CTNNA3: variants seen among roughly 807,000 people sequenced by gnomAD.
CTNNA3 encodes the protein catenin alpha-3.
In CTNNA3, 76 loss-of-function variants were observed where a neutral mutation model predicts 95.7. That is an observed-to-expected ratio of 0.79 (90% CI 0.66 to 0.96). The LOEUF (loss-of-function observed/expected upper bound fraction) is 0.96. CTNNA3 is among the 40% of genes least tolerant of loss of function. The pLI is 0.00. For synonymous variants in CTNNA3, 431 were observed against 374.4 expected (o/e 1.15, Z -1.74); for missense variants, 1,191 against 1,089.8 (o/e 1.09, Z -1.31).
chr10:65,971,523 C>T (rs1276873394), intron 16 of CTNNA3, among the ~76,000 whole-genome samples: 1 of 151,488 alleles, frequency 6.6e-6, no homozygotes, highest in African/African-American at 2.4e-5. Context: ...ACAAAAGAGC[C>T]TCAGAAACTA....
At chr10:66,675,063 C>T (rs1221017327) in intron 9 of CTNNA3, among the ~76,000 whole-genome samples, 1 of 151,872 alleles carries the variant, frequency 6.6e-6, no homozygotes, top group Non-Finnish European at 1.5e-5. Context: ...TCTGACATTC[C>T]CACTCTTTCA....
At chr10:67,704,016 C>A (rs1209233426) in intron 1 of CTNNA3, among the ~76,000 whole-genome samples, 6 of 152,162 alleles carry the variant, frequency 3.9e-5, no homozygotes, top group East Asian at 1.9e-4. Flanking sequence ...TGAGTGAACT[C>A]CCATTCACAA....
chr10:67,701,518 CCAAACTAAGCTT>C (rs1374560631), intron 1 of CTNNA3, among the ~76,000 whole-genome samples: 3 of 152,142 alleles, frequency 2.0e-5, no homozygotes, highest in Admixed American at 1.3e-4. Flanking sequence ...TCATATCCAG[CCAAACTAAGCTT>C]CATAAGTGAA....
At chr10:66,057,077 C>T (rs1331136817) in intron 15 of CTNNA3, among the ~76,000 whole-genome samples, 16 of 152,166 alleles carry the variant, frequency 1.1e-4, no homozygotes, top group Admixed American at 9.2e-4. Context: ...AACTTCTCTA[C>T]CTCAACAGTA....
chr10:66,329,013 C>T (rs10997064), intron 12 of CTNNA3, among the ~76,000 whole-genome samples: 59,847 of 146,112 alleles, frequency 0.41, 13,437 homozygotes, highest in Non-Finnish European at 0.51. Flanking sequence ...TGCAATGTCA[C>T]GATCTCGGCT....
chr10:67,296,536 G>A lies in CTNNA3; in HGVS notation c.580-76666C>T, dbSNP rs140616591. On this transcript the variant is annotated intron_variant, in intron 5 of 17. Coordinates refer to ENST00000433211, the MANE Select transcript of CTNNA3 (RefSeq NM_013266.4). ...AGGCAAATCAATATTTGGACTTTGC[G>A]TCTTTCTTTGTGAGGACAAAGCATG... Among the ~76,000 whole-genome samples, 403 of 152,284 alleles carry A rather than the reference G, an allele frequency of 2.6e-3. 3 individuals are homozygous for A. Among genetic ancestry groups the A allele is most frequent in the African/African-American group, 9.2e-3 (381 of 41,554 alleles).
At chr10:66,634,142 C>T (rs1356385245) in intron 9 of CTNNA3, among the ~76,000 whole-genome samples, 3 of 152,000 alleles carry the variant, frequency 2.0e-5, no homozygotes, top group Non-Finnish European at 4.4e-5. Context: ...TATAATTTGG[C>T]TTATTATAAT....
At chr10:66,226,664 T>C (rs1247107082) in intron 13 of CTNNA3, among the ~76,000 whole-genome samples, 1 of 151,882 alleles carries the variant, frequency 6.6e-6, no homozygotes, top group South Asian at 2.1e-4. Context: ...ATTTTTATAA[T>C]ATTAATTCTT....
At chr10:66,155,997 A>C (rs759068653) in intron 13 of CTNNA3, among the ~76,000 whole-genome samples, 19 of 151,940 alleles carry the variant, frequency 1.3e-4, no homozygotes, top group Non-Finnish European at 2.4e-4. Context: ...ATATATCCAA[A>C]TGGCCAAAAT....
chr10:66,876,887 C>T (rs1844645861), intron 7 of CTNNA3, among the ~76,000 whole-genome samples: 1 of 152,104 alleles, frequency 6.6e-6, no homozygotes, highest in Non-Finnish European at 1.5e-5. Flanking sequence ...TCTGGAGATT[C>T]TTATTAGGTT....
intron 6 of CTNNA3, among the ~76,000 whole-genome samples, chr10:67,192,771 G>A (rs1863177356): frequency 6.6e-6 from 1 of 151,904 alleles, no homozygotes; most frequent in African/African-American, 2.4e-5. Flanking sequence ...AAGGAATTAA[G>A]TAGCTTGAAA....
chr10:66,686,558 G>T lies in CTNNA3; in HGVS notation c.1282-64774C>A, dbSNP rs1847305155. ...CTCTCTACTGTCCTAGCAAAAGTCT[G>T]CTTCTTTCTAGTTTGCTTTGATCAG... On this transcript the variant is annotated intron_variant, in intron 9 of 17. Coordinates refer to ENST00000433211, the MANE Select transcript of CTNNA3 (RefSeq NM_013266.4). Among the ~76,000 whole-genome samples, 2 of 152,102 alleles carry T rather than the reference G, an allele frequency of 1.3e-5. 1 individual carries two copies. Among genetic ancestry groups the T allele is most frequent in the South Asian group, 4.2e-4 (2 of 4,814 alleles).
chr10:66,694,139 C>T (rs1230370589), intron 9 of CTNNA3, among the ~76,000 whole-genome samples: 6 of 152,078 alleles, frequency 3.9e-5, no homozygotes, highest in African/African-American at 1.4e-4. Context: ...AATAGAGACA[C>T]AAAGTACCCT....
rs74140943 is a variant in CTNNA3, at chr10:66,075,977, C to A, written c.1978-6488G>T. On this transcript the variant is annotated intron_variant, in intron 14 of 17. Transcript: ENST00000433211. ...TATTATTTTGTTAATAAATAATCCA[C>A]AATTATGATTTTTTTAATTTTATAA... Among the ~76,000 whole-genome samples, 349 of 151,596 alleles carry A rather than the reference C, an allele frequency of 2.3e-3. 3 individuals carry two copies. Among genetic ancestry groups the A allele is most frequent in the African/African-American group, 7.9e-3 (326 of 41,458 alleles).
intron 7 of CTNNA3, among the ~76,000 whole-genome samples, chr10:67,168,286 G>A (rs1861869569): frequency 6.6e-6 from 1 of 152,114 alleles, no homozygotes; most frequent in Admixed American, 6.5e-5. Context: ...CATTCTACAA[G>A]GCCAGCATCA....
chr10:66,178,424 T>TAC (rs773951182), intron 13 of CTNNA3, among the ~76,000 whole-genome samples: 18,586 of 93,848 alleles, frequency 0.2, 1,891 homozygotes, highest in South Asian at 0.39. Context: ...TATATATATA[T>TAC]ATATATATAT....
At chr10:66,311,669 C>T (rs962402418) in intron 12 of CTNNA3, among the ~76,000 whole-genome samples, 5 of 152,174 alleles carry the variant, frequency 3.3e-5, no homozygotes, top group African/African-American at 4.8e-5. Context: ...ATTAGGCACA[C>T]AGTAATGCCA....
At chr10:66,801,170 A>C (rs1841413396) in intron 7 of CTNNA3, among the ~76,000 whole-genome samples, 2 of 151,382 alleles carry the variant, frequency 1.3e-5, no homozygotes, top group African/African-American at 4.8e-5. Context: ...ATTAGGGGGA[A>C]ATAAATATAA....
intron 14 of CTNNA3, among the ~76,000 whole-genome samples, chr10:66,073,857 G>A (rs2080492415): frequency 6.6e-6 from 1 of 151,932 alleles, no homozygotes; most frequent in Admixed American, 6.6e-5. Context: ...ATATTTGTTT[G>A]ATTAAAATAG....
Sources: gnomAD v4.1 joint callset for allele counts (sites outside exome capture counted in the v4.1 genomes callset) on GRCh38, gnomAD v4.1.1 for gene constraint, MANE v1.5 for transcripts, NCBI Gene and HGNC (gene_info 2026-07-23, HGNC 2026-07-21) for gene names.